Variants in LIPC observed in about 807,000 individuals in gnomAD.
LIPC encodes the protein lipase C, hepatic type, also known as hepatic triacylglycerol lipase.
Under a neutral mutation model 50.7 loss-of-function variants are expected in LIPC, and 44 were observed. The ratio of observed to expected loss-of-function variants is 0.87; its 90% CI spans 0.68 to 1.11. The LOEUF is 1.11. Ranked by LOEUF, LIPC falls within the 50% of genes most tolerant of loss-of-function variation. LIPC has a pLI of 0.00. For missense variants in LIPC, 697 were observed against 648.2 expected (o/e 1.08, Z -0.82); for synonymous variants, 271 against 256.4 (o/e 1.06, Z -0.54).
intron 1 of LIPC, among the ~76,000 whole-genome samples, chr15:58,524,355 G>T (rs143096565): frequency 5.8e-4 from 89 of 152,316 alleles, no homozygotes; most frequent in Non-Finnish European, 1.1e-3. Flanking sequence ...GGACACTTGG[G>T]ATGTTTCCAG....
At position 58,536,499 on chromosome 15, in the gene LIPC, C is replaced by T. The variant is rs372045835; in HGVS notation, c.89-1834C>T. Among the ~76,000 whole-genome samples the T allele has an allele frequency of 3.3e-5, 5 of 152,214 alleles. No homozygotes were observed. In the East Asian group the frequency reaches 9.7e-4, roughly 29 times the overall value. On this transcript the variant is annotated intron_variant, in intron 1 of 8. Coordinates refer to ENST00000299022, the MANE Select transcript of LIPC (RefSeq NM_000236.3). ...TAAACCAAGCAAGACACAGTGTGCA[C>T]GGGAACTAAGGCACAGGATTCTAGG...
At chr15:58,445,355 A>C (rs1381811401) in intron 1 of LIPC, among the ~76,000 whole-genome samples, 2 of 152,216 alleles carry the variant, frequency 1.3e-5, no homozygotes, top group Non-Finnish European at 2.9e-5. Context: ...TCTCCCATAC[A>C]GGCTGGCTTC....
At position 58,559,714 on chromosome 15, in the gene LIPC, A is replaced by AAC. The variant is rs1555407250; in HGVS notation, c.1052-1149_1052-1148insCA. 6.9e-4 allele frequency among the ~76,000 whole-genome samples: 103 copies of AAC among 148,478 alleles called. 2 individuals are homozygous for AAC. The highest frequency in any genetic ancestry group is 3.5e-3 in the Middle Eastern group (1 of 288). ...AGAGACCCTGTCTCAAAAAAAAAAA[A>AAC]AAAAAAAAAAACCCAAAACAAAAAC... is the stretch of plus-strand genomic sequence containing the variant. On this transcript the variant is annotated intron_variant, in intron 6 of 8. Transcript: ENST00000299022.
intron 1 of LIPC, among the ~76,000 whole-genome samples, chr15:58,534,014 T>A (rs1893039125): frequency 6.6e-6 from 1 of 152,144 alleles, no homozygotes; most frequent in Admixed American, 6.5e-5. Flanking sequence ...TGAGCCTGAG[T>A]CCTCAGTATT....
chr15:58,567,288 TATATAC>T (rs1196851653), intron 8 of LIPC, among the ~76,000 whole-genome samples: 4,042 of 81,928 alleles, frequency 0.049, 117 homozygotes, highest in African/African-American at 0.087. Context: ...TGTGTATATA[TATATAC>T]ATATATATAT....
chr15:58,549,957 C>G (rs1893687417), intron 6 of LIPC, among the ~76,000 whole-genome samples: 1 of 152,166 alleles, frequency 6.6e-6, no homozygotes, highest in Admixed American at 6.5e-5. Context: ...GGCAATGCCG[C>G]CTGGAGTGAT....
intron 2 of LIPC, among the ~76,000 whole-genome samples, chr15:58,540,498 A>G (rs953644711): frequency 7.2e-5 from 11 of 152,224 alleles, no homozygotes; most frequent in Non-Finnish European, 1.5e-4. Context: ...AAACTAGGAG[A>G]GCCTAGATTT....
At chr15:58,524,524 A>G (rs1424709834) in intron 1 of LIPC, among the ~76,000 whole-genome samples, 1 of 152,236 alleles carries the variant, frequency 6.6e-6, no homozygotes, top group Non-Finnish European at 1.5e-5. Flanking sequence ...ATCCCTCTCC[A>G]TTGGAGTTGC....
At chr15:58,523,824 A>G (rs555551633) in intron 1 of LIPC, among the ~76,000 whole-genome samples, 1 of 152,144 alleles carries the variant, frequency 6.6e-6, no homozygotes, top group Non-Finnish European at 1.5e-5. Flanking sequence ...GATCCCAGCT[A>G]CTTGAGAAGC....
rs569391559 is a variant in LIPC at position 58,535,970 on chromosome 15, C to G, written c.89-2363C>G. ...GATCCAAGATCTGGATCTGGCAGGA[C>G]ACCTCACCGCTCACTAACATTTATT... On this transcript the variant is annotated intron_variant, in intron 1 of 8. Transcript: ENST00000299022. Among the ~76,000 whole-genome samples the G allele has an allele frequency of 6.6e-5, 10 of 152,310 alleles. 1 individual carries two copies. The South Asian group carries it at 2.1e-3, about 32-fold the overall frequency.
At chr15:58,487,097 G>C (rs558372801) in intron 1 of LIPC, among the ~76,000 whole-genome samples, 1 of 152,146 alleles carries the variant, frequency 6.6e-6, no homozygotes, top group African/African-American at 2.4e-5. Context: ...TTAAGAAAAT[G>C]CCTTTATCTG....
At chr15:58,520,636 G>A (rs1431108056) in intron 1 of LIPC, among the ~76,000 whole-genome samples, 2 of 152,304 alleles carry the variant, frequency 1.3e-5, no homozygotes, top group East Asian at 1.9e-4. Flanking sequence ...AAGGAAATAC[G>A]GAGGGCGGGG....
At chr15:58,437,546 A>G (rs1263164134) in intron 1 of LIPC, among the ~76,000 whole-genome samples, 1 of 152,130 alleles carries the variant, frequency 6.6e-6, no homozygotes, top group East Asian at 1.9e-4. Context: ...AAGAAAAATA[A>G]AATAAAAAGG....
At chr15:58,541,456 G>T (rs564822731) in intron 2 of LIPC, among the ~76,000 whole-genome samples, 2 of 148,752 alleles carry the variant, frequency 1.3e-5, no homozygotes, top group Admixed American at 6.7e-5. Flanking sequence ...AAGTCCCTAA[G>T]AGGAAAAACA....
At chr15:58,530,410 C>A (rs1363137761) in intron 1 of LIPC, among the ~76,000 whole-genome samples, 1 of 152,232 alleles carries the variant, frequency 6.6e-6, no homozygotes. Context: ...ACAGCCTGTC[C>A]TCTCAGGCCT....
chr15:58,543,048 T>C, intron 4 of LIPC, among the ~76,000 whole-genome samples: 1 of 152,230 alleles, frequency 6.6e-6, no homozygotes, highest in East Asian at 1.9e-4. Flanking sequence ...AGTGCCTCCG[T>C]TTCCACATTT....
At chr15:58,433,178 T>A (rs1362373618) in intron 1 of LIPC, among the ~76,000 whole-genome samples, 1 of 152,216 alleles carries the variant, frequency 6.6e-6, no homozygotes, top group Non-Finnish European at 1.5e-5. Flanking sequence ...TACATAATAA[T>A]TTAGAGCCAT....
intron 1 of LIPC, among the ~76,000 whole-genome samples, chr15:58,464,855 C>T (rs34053638): frequency 0.11 from 17,447 of 152,168 alleles, 1,227 homozygotes; most frequent in Non-Finnish European, 0.17. Flanking sequence ...CACCTGTAGT[C>T]CCAGCTACTC....
chr15:58,563,610 G>A lies in LIPC; in HGVS notation c.1275G>A (p.Val425=). The part of the protein sequence containing the change: ...MIKFKWENSA[V]WANVWDTVQT... ...AGTTCAAGTGGGAAAACAGTGCAGT[G>A]TGGGCCAATGTCTGGGACACGGTCC... is the stretch of plus-strand genomic sequence containing the variant. The change falls in exon 8 of 9, where the codon GTG becomes GTA. Residue 425 remains valine, a synonymous_variant. Coordinates refer to ENST00000299022, the MANE Select transcript of LIPC (RefSeq NM_000236.3). 2 of 1,614,196 alleles carry A rather than the reference G, an allele frequency of 1.2e-6. No homozygotes were observed. The highest frequency in any genetic ancestry group is 2.2e-5 in the East Asian group (1 of 44,884).
Sources: gnomAD v4.1 joint callset for allele counts (sites outside exome capture counted in the v4.1 genomes callset) on GRCh38, gnomAD v4.1.1 for gene constraint, MANE v1.5 for transcripts, NCBI Gene and HGNC (gene_info 2026-07-23, HGNC 2026-07-21) for gene names.